PTAR1: variants seen among roughly 807,000 people sequenced by gnomAD.
PTAR1 encodes the protein protein prenyltransferase alpha subunit repeat-containing protein 1.
Under a neutral mutation model 45.5 loss-of-function variants are expected in PTAR1, and 17 were observed. The ratio of observed to expected loss-of-function variants is 0.37; its 90% CI spans 0.26 to 0.56. The LOEUF (loss-of-function observed/expected upper bound fraction) is 0.56. Ranked by LOEUF, PTAR1 falls within the 20% of genes least tolerant of loss-of-function variation. PTAR1 has a pLI of 0.77. For synonymous variants in PTAR1, 169 were observed against 171.3 expected (o/e 0.99, Z 0.11); for missense variants, 391 against 476.3 (o/e 0.82, Z 1.67).
At chr9:69,747,069 T>C (rs369282725) in intron 2 of PTAR1, among the ~76,000 whole-genome samples, 136 of 152,338 alleles carry the variant, frequency 8.9e-4, no homozygotes, top group African/African-American at 3.1e-3. Flanking sequence ...ATAGCTAGAC[T>C]AAGCTAAAAA....
intron 4 of PTAR1, among the ~76,000 whole-genome samples, chr9:69,733,332 A>T (rs1205880244): frequency 2.0e-5 from 3 of 152,194 alleles, no homozygotes; most frequent in Non-Finnish European, 4.4e-5. Flanking sequence ...TGCAATGTTA[A>T]CTAAAGGCAC....
intron 5 of PTAR1, among the ~76,000 whole-genome samples, chr9:69,725,877 A>G (rs1379601349): frequency 6.6e-6 from 1 of 152,116 alleles, no homozygotes; most frequent in East Asian, 1.9e-4. Context: ...TACAGTACTG[A>G]TGGGATAAAT....
intron 2 of PTAR1, among the ~76,000 whole-genome samples, chr9:69,743,422 T>C (rs1826126435): frequency 6.6e-6 from 1 of 152,198 alleles, no homozygotes; most frequent in Non-Finnish European, 1.5e-5. Context: ...TTTAAAAATA[T>C]TCTAGCTAAC....
chr9:69,741,261 T>C (rs1826031724), intron 3 of PTAR1, among the ~76,000 whole-genome samples: 1 of 152,162 alleles, frequency 6.6e-6, no homozygotes, highest in Non-Finnish European at 1.5e-5. Flanking sequence ...TGGACACAAA[T>C]CTAACATGTC....
Position 69,709,616 on chromosome 9 carries a change from T to A in PTAR1, c.*8726A>T. On this transcript the variant is annotated 3_prime_UTR_variant, in exon 8 of 8. Transcript: ENST00000340434. ...TCCATATTCTACAGAAATACAATAC[T>A]TTATAGCTGGCTTGGTACATGGTCA... 1 of 152,252 alleles carries A rather than the reference T, an allele frequency of 6.6e-6. No homozygotes were observed. The highest frequency in any genetic ancestry group is 1.9e-4 in the East Asian group (1 of 5,186). The allele number at this position is 152,252 out of a possible 1,614,324, so 9.4% of individuals were successfully genotyped here.
chr9:69,759,977 T>A lies in PTAR1; in HGVS notation c.-39A>T. On this transcript the variant is annotated 5_prime_UTR_variant, in exon 1 of 8. Transcript: ENST00000340434. ...GCGACAGTTCGGGCGCGCCTCCGCG[T>A]GAGCCGGGCCGCCGGCGGGAGTTCC... The A allele has an allele frequency of 2.1e-6, 3 of 1,411,518 alleles. No homozygotes were observed. The highest frequency in any genetic ancestry group is 3.3e-5 in the East Asian group (1 of 30,726). The allele number at this position is 1,411,518 out of a possible 1,614,324, so 87.4% of individuals were successfully genotyped here.
At chr9:69,748,482 T>A (rs1364121616) in intron 2 of PTAR1, among the ~76,000 whole-genome samples, 2 of 151,892 alleles carry the variant, frequency 1.3e-5, no homozygotes, top group Non-Finnish European at 2.9e-5. Flanking sequence ...AGCAGGTTAA[T>A]GAAAACAAGA....
Position 69,723,337 on chromosome 9 carries a change from A to C in PTAR1, c.936T>G (p.Leu312=). ...TTCCCTTTTCTTACCTATGACACCA[A>C]AGGGTTTCATGTCCTGGGTAGGAAT... is the stretch of plus-strand genomic sequence containing the variant. ...LIDSYPGHET[L]WCHRRHIFYL... Residue 312 remains leucine, a synonymous_variant, in exon 6 of 8, where the codon CTT becomes CTG. Transcript: ENST00000340434. 1 of 1,613,158 alleles carries C rather than the reference A, an allele frequency of 6.2e-7. No homozygotes were observed. The highest frequency in any genetic ancestry group is 1.1e-5 in the South Asian group (1 of 91,050).
intron 6 of PTAR1, among the ~76,000 whole-genome samples, chr9:69,722,744 G>C (rs1825074951): frequency 6.6e-6 from 1 of 151,790 alleles, no homozygotes; most frequent in East Asian, 1.9e-4. Flanking sequence ...TTCGAGACCA[G>C]CCTGGCCAAC....
At chr9:69,739,339 T>C (rs1046548169) in intron 3 of PTAR1, among the ~76,000 whole-genome samples, 8 of 149,402 alleles carry the variant, frequency 5.4e-5, no homozygotes, top group East Asian at 2.0e-4. Flanking sequence ...ATGAAGAAAA[T>C]AGGACATTAT....
intron 4 of PTAR1, among the ~76,000 whole-genome samples, chr9:69,732,795 CAAG>C (rs1426824169): frequency 6.6e-6 from 1 of 152,048 alleles, no homozygotes; most frequent in Non-Finnish European, 1.5e-5. Context: ...TGTTTGCAAA[CAAG>C]AAGCTGCATT....
chr9:69,752,195 A>G (rs933510570), intron 1 of PTAR1, among the ~76,000 whole-genome samples: 2 of 152,232 alleles, frequency 1.3e-5, no homozygotes, highest in African/African-American at 4.8e-5. Context: ...ATTATGTATT[A>G]TGTCCCTGGC....
chr9:69,752,924 C>T (rs1358770011), intron 1 of PTAR1, among the ~76,000 whole-genome samples: 4 of 151,918 alleles, frequency 2.6e-5, no homozygotes, highest in Non-Finnish European at 4.4e-5. Context: ...CTGGTATTTT[C>T]TGATGTTTGT....
intron 3 of PTAR1, among the ~76,000 whole-genome samples, chr9:69,734,744 A>G (rs763586744): frequency 4.6e-5 from 7 of 152,216 alleles, no homozygotes; most frequent in Non-Finnish European, 7.3e-5. Context: ...AAAATCATTC[A>G]TGGAATCACT....
rs775454897 is a variant in PTAR1 at position 69,709,847 on chromosome 9, A to G, written c.*8495T>C. On this transcript the variant is annotated 3_prime_UTR_variant, in exon 8 of 8. Coordinates refer to ENST00000340434, the MANE Select transcript of PTAR1 (RefSeq NM_001099666.2). ...ATACAATTAACATGCAATTTAAGCT[A>G]TATTATTTTGAAGAAACAGGACAGA... 1.3e-5 allele frequency: 2 copies of G among 152,132 alleles called. No homozygotes were observed. Among genetic ancestry groups the G allele is most frequent in the Non-Finnish European group, 2.9e-5 (2 of 67,984 alleles). The allele number at this position is 152,132 out of a possible 1,614,324, so 9.4% of individuals were successfully genotyped here. A position where few individuals can be genotyped will look rare whatever the true frequency, so the allele number is the denominator to read the frequency against.
At chr9:69,739,678 G>A (rs182169729) in intron 3 of PTAR1, among the ~76,000 whole-genome samples, 2 of 152,276 alleles carry the variant, frequency 1.3e-5, no homozygotes, top group East Asian at 1.9e-4. Flanking sequence ...ATACGCAATA[G>A]AGACCTTATA....
chr9:69,731,318 CCT>C (rs1215222384), intron 5 of PTAR1, among the ~76,000 whole-genome samples: 2 of 152,138 alleles, frequency 1.3e-5, no homozygotes, highest in East Asian at 3.9e-4. Context: ...TTCAACTTGA[CCT>C]CTTTTAACTG....
At position 69,726,298 on chromosome 9, in the gene PTAR1, C is replaced by T. The variant is rs149407976; in HGVS notation, c.643-2668G>A. ...GAAAAATCTGGGATATTCTTTTGTACCAATTTTATTCTACTTCAATTATAA... is the reference window on the plus strand; with the variant it reads ...GAAAAATCTGGGATATTCTTTTGTATCAATTTTATTCTACTTCAATTATAA... On this transcript the variant is annotated intron_variant, in intron 5 of 7. Transcript: ENST00000340434. 6.6e-5 allele frequency among the ~76,000 whole-genome samples: 10 copies of T among 152,058 alleles called. No homozygotes were observed. The East Asian group carries it at 1.9e-3, about 29-fold the overall frequency.
intron 3 of PTAR1, 114 bp downstream of exon 3, chr9:69,741,678 G>T (rs1826049051): frequency 2.9e-6 from 2 of 686,166 alleles, no homozygotes; most frequent in South Asian, 1.8e-5. Context: ...ATAGGGAGAA[G>T]AAATAAGTGT....
Sources: gnomAD v4.1 joint callset for allele counts (sites outside exome capture counted in the v4.1 genomes callset) on GRCh38, gnomAD v4.1.1 for gene constraint, MANE v1.5 for transcripts, NCBI Gene and HGNC (gene_info 2026-07-23, HGNC 2026-07-21) for gene names.